Variants in TMEM143 observed in about 807,000 individuals in gnomAD.
TMEM143 encodes transmembrane protein 143.
Under a neutral mutation model 40.3 loss-of-function variants are expected in TMEM143, and 45 were observed. The observed-to-expected ratio is 1.12, with a 90% CI of 0.88 to 1.43. The LOEUF is 1.43. Among genes scored for constraint, TMEM143 ranks in the 40% most tolerant of loss-of-function variants. The pLI is 0.00. For missense variants in TMEM143, 620 were observed against 613.4 expected (o/e 1.01, Z -0.11); for synonymous variants, 299 against 282.7 (o/e 1.06, Z -0.58).
chr19:48,352,954 T>C (rs1969809205), intron 3 of TMEM143, among the ~76,000 whole-genome samples: 1 of 152,098 alleles, frequency 6.6e-6, no homozygotes, highest in Non-Finnish European at 1.5e-5. Flanking sequence ...CTAGATTACT[T>C]ATAACACCAA....
At chr19:48,361,963 A>C (rs956866776) in intron 2 of TMEM143, among the ~76,000 whole-genome samples, 2 of 152,178 alleles carry the variant, frequency 1.3e-5, no homozygotes, top group African/African-American at 4.8e-5. Flanking sequence ...TGATGAGATT[A>C]CACATGTCCT....
rs781456638 is a variant in TMEM143, at chr19:48,342,547, C to T, written c.958G>A (p.Gly320Ser). The T allele has an allele frequency of 1.5e-5, 24 of 1,609,864 alleles. No homozygotes were observed. Among genetic ancestry groups the T allele is most frequent in the Non-Finnish European group, 2.0e-5 (24 of 1,178,920 alleles). ...LLLLLFAIFM[G>S]LRASKMFGQR... is the part of the protein sequence containing the mutation. ...ATGCTCACCTTGGAGGCCCGCAGGC[C>T]CATGAAGATGGCGAAGAGCAGCAGC... The change falls in exon 6 of 8, where the codon GGC becomes AGC. Residue 320 changes from glycine (G) to serine (S), a missense_variant. Transcript: ENST00000293261.
At chr19:48,343,513 T>C (rs1309619360) in intron 4 of TMEM143, 62 bp from the exon 5 acceptor site, 4 of 1,511,146 alleles carry the variant, frequency 2.6e-6, no homozygotes, top group Non-Finnish European at 3.6e-6. Flanking sequence ...GAGGGCAGGA[T>C]ACCAGAATCA....
At chr19:48,359,963 C>A (rs1970000981) in intron 3 of TMEM143, 109 bp downstream of exon 3, 3 of 1,062,044 alleles carry the variant, frequency 2.8e-6, no homozygotes, top group Admixed American at 5.0e-5. Flanking sequence ...ACTATTGAAT[C>A]CCCAGCACTT....
chr19:48,337,654 C>T (rs1969401450), intron 6 of TMEM143, among the ~76,000 whole-genome samples: 1 of 152,092 alleles, frequency 6.6e-6, no homozygotes. Context: ...TGCTGGGTGC[C>T]CATAGGGTGT....
Position 48,345,157 on chromosome 19 carries a change from T to C in TMEM143, c.564+3A>G, listed in dbSNP as rs1391566831. The C allele has an allele frequency of 4.3e-6, 7 of 1,612,456 alleles. No individual in the cohort carries two copies. Among genetic ancestry groups the C allele is most frequent in the Non-Finnish European group, 5.9e-6 (7 of 1,179,200 alleles). On this transcript the variant is annotated splice_donor_region_variant and intron_variant, in intron 4 of 7. Transcript: ENST00000293261. ...AGTTTTGTTCTCCTAGGGAGCCAAG[T>C]ACCTGGACCTCATCCTGAGGGTGGT...
chr19:48,341,884 GC>G (rs996736666), intron 6 of TMEM143, among the ~76,000 whole-genome samples: 1 of 151,976 alleles, frequency 6.6e-6, no homozygotes, highest in African/African-American at 2.4e-5. Context: ...GCCGAGCACT[GC>G]CCAGTGCTTC....
In TMEM143 at chr19:48,362,360, C is replaced by G. The variant is rs560042294; in HGVS notation, c.264+931G>C. Among the ~76,000 whole-genome samples, 13 of 151,932 alleles carry G rather than the reference C, an allele frequency of 8.6e-5. No individual in the cohort carries two copies. In the South Asian group the frequency reaches 2.7e-3, roughly 32 times the overall value. On this transcript the variant is annotated intron_variant, in intron 2 of 7. Transcript: ENST00000293261. ...TTCGAGACCAGCCTGGCCAACATGG[C>G]AATACCCTGTCTCTACTAAAAATAC...
chr19:48,363,923 A>G lies in TMEM143; in HGVS notation c.-3T>C. On this transcript the variant is annotated 5_prime_UTR_variant, in exon 1 of 8. Coordinates refer to ENST00000293261, the MANE Select transcript of TMEM143 (RefSeq NM_018273.4). ...CTTAGCCAAAGCTCGACTGTCATTG[A>G]GCCTCCTGCGCATGTGCAGGAGGGC... is the stretch of plus-strand genomic sequence containing the variant. The G allele has an allele frequency of 3.1e-6, 5 of 1,613,520 alleles. No homozygotes were observed. The highest frequency in any genetic ancestry group is 3.4e-6 in the Non-Finnish European group (4 of 1,179,712).
chr19:48,361,425 C>A (rs1402490059), intron 2 of TMEM143, among the ~76,000 whole-genome samples: 3 of 152,066 alleles, frequency 2.0e-5, no homozygotes, highest in Non-Finnish European at 2.9e-5. Context: ...ACCATGTTGG[C>A]CAGGCTGGTC....
intron 6 of TMEM143, among the ~76,000 whole-genome samples, chr19:48,334,430 CTTTCTTT>C (rs1969301577): frequency 2.5e-5 from 1 of 39,418 alleles, no homozygotes; most frequent in Non-Finnish European, 5.2e-5. Context: ...TTCTTTCTTT[CTTTCTTT>C]CTTTCTTTCT....
chr19:48,361,035 A>C (rs1970029009), intron 2 of TMEM143, among the ~76,000 whole-genome samples: 1 of 150,638 alleles, frequency 6.6e-6, no homozygotes, highest in Non-Finnish European at 1.5e-5. Flanking sequence ...CAATCCTCCC[A>C]CCTCAGCCTC....
At chr19:48,350,214 T>A (rs1296083174) in intron 3 of TMEM143, among the ~76,000 whole-genome samples, 1 of 151,660 alleles carries the variant, frequency 6.6e-6, no homozygotes, top group African/African-American at 2.4e-5. Context: ...GGTTTCACTA[T>A]GTTGGCCAGG....
intron 6 of TMEM143, among the ~76,000 whole-genome samples, chr19:48,338,401 C>G (rs1041603414): frequency 2.0e-5 from 3 of 152,208 alleles, no homozygotes; most frequent in African/African-American, 7.2e-5. Context: ...AGCTCCGTGG[C>G]CCGGCACACG....
Position 48,333,616 on chromosome 19 carries a change from C to T in TMEM143, c.1166-183G>A, listed in dbSNP as rs1271050867. On this transcript the variant is annotated intron_variant, in intron 7 of 7. Coordinates refer to ENST00000293261, the MANE Select transcript of TMEM143 (RefSeq NM_018273.4). This position sits in a 1 kb window ranked among gnomAD's most constrained non-coding sequence, Gnocchi z 4.1. Reference sequence around the variant, plus strand: ...AGGAGGGTCGAGAGGGCCAGAAGGCCCAGCTCTGGGGCTTTCGTCTGGGGA... The same window carrying T: ...AGGAGGGTCGAGAGGGCCAGAAGGCTCAGCTCTGGGGCTTTCGTCTGGGGA... Among the ~76,000 whole-genome samples the T allele has an allele frequency of 6.6e-6, 1 of 152,126 alleles. No individual in the cohort carries two copies. Among genetic ancestry groups the T allele is most frequent in the East Asian group, 1.9e-4 (1 of 5,184 alleles).
chr19:48,359,530 CAG>C (rs1169485250), intron 3 of TMEM143, among the ~76,000 whole-genome samples: 2 of 44,196 alleles, frequency 4.5e-5, no homozygotes, highest in Non-Finnish European at 8.7e-5. Context: ...TTTTTTGAGA[CAG>C]AGTTTCCTCA....
At chr19:48,335,207 G>A (rs981457991) in intron 6 of TMEM143, among the ~76,000 whole-genome samples, 2 of 152,194 alleles carry the variant, frequency 1.3e-5, no homozygotes, top group South Asian at 4.1e-4. Flanking sequence ...CTAGGTGCTG[G>A]CTAGTGGAGT....
intron 2 of TMEM143, among the ~76,000 whole-genome samples, chr19:48,362,559 T>C (rs185325052): frequency 2.4e-4 from 37 of 152,018 alleles, no homozygotes; most frequent in Admixed American, 1.6e-3. Context: ...TGAATAATAA[T>C]CCTCAAAATC....
intron 6 of TMEM143, 76 bp downstream of exon 6, chr19:48,342,454 A>T: frequency 6.7e-7 from 1 of 1,488,084 alleles, no homozygotes; most frequent in African/African-American, 1.4e-5. Context: ...AATGCATGAA[A>T]CAGAGACAAC....
Sources: gnomAD v4.1 joint callset for allele counts (sites outside exome capture counted in the v4.1 genomes callset) on GRCh38, gnomAD v4.1.1 for gene constraint, Gnocchi (gnomAD v3.1) non-coding constraint, MANE v1.5 for transcripts, NCBI Gene and HGNC (gene_info 2026-07-23, HGNC 2026-07-21) for gene names.